Variants in PKHD1 observed in about 807,000 individuals in gnomAD.
PKHD1 encodes the protein fibrocystin.
A neutral mutation model predicts 412.0 loss-of-function variants in PKHD1; 291 were observed. The ratio of observed to expected loss-of-function variants is 0.71; its 90% CI spans 0.64 to 0.78. The LOEUF (loss-of-function observed/expected upper bound fraction) is 0.78. Ranked by LOEUF, PKHD1 falls within the 30% of genes least tolerant of loss-of-function variation. The probability of loss-of-function intolerance (pLI) is 0.00; values close to 1 mark genes in which losing one functional copy is unlikely to be tolerated. For missense variants in PKHD1, 4,825 were observed against 4,950.7 expected, an observed-to-expected ratio of 0.97 and a Z score of 0.76; for synonymous variants, 1,777 against 1,821.5, an observed-to-expected ratio of 0.98 and a Z score of 0.62.
intron 37 of PKHD1, among the ~76,000 whole-genome samples, chr6:51,925,593 G>C (rs552321110): frequency 6.6e-6 from 1 of 152,114 alleles, no homozygotes; most frequent in African/African-American, 2.4e-5. Context: ...AGAACAAAAA[G>C]GCTGAGTATG....
At chr6:51,754,690 T>C (rs552791071) in intron 56 of PKHD1, 94 bp downstream of exon 56, 21 of 1,036,224 alleles carry the variant, frequency 2.0e-5, no homozygotes, top group African/African-American at 1.6e-4. Flanking sequence ...TCTTCCCCTC[T>C]GAATGGCAAT....
At chr6:51,934,348 G>A in intron 36 of PKHD1, 26 bp from the exon 37 acceptor site, 1 of 1,470,012 alleles carries the variant, frequency 6.8e-7, no homozygotes, top group Non-Finnish European at 9.5e-7. Flanking sequence ...AAAATTGTCA[G>A]TCCCTGGGAG....
chr6:51,922,560 A>C (rs1393322139), intron 37 of PKHD1, among the ~76,000 whole-genome samples: 1 of 152,212 alleles, frequency 6.6e-6, no homozygotes, highest in Non-Finnish European at 1.5e-5. Context: ...GAGTCTACAG[A>C]GGCAGGCAGG....
intron 36 of PKHD1, among the ~76,000 whole-genome samples, chr6:51,956,731 A>T (rs1791205916): frequency 6.6e-6 from 1 of 152,082 alleles, no homozygotes; most frequent in South Asian, 2.1e-4. Context: ...AGATTAGTTG[A>T]TATTTTCTCA....
At chr6:51,805,495 T>C (rs1330479738) in intron 52 of PKHD1, among the ~76,000 whole-genome samples, 1 of 152,200 alleles carries the variant, frequency 6.6e-6, no homozygotes, top group African/African-American at 2.4e-5. Flanking sequence ...TACTTACATG[T>C]AACCAGCCTG....
intron 52 of PKHD1, among the ~76,000 whole-genome samples, chr6:51,826,101 C>T (rs1562398688): frequency 6.6e-6 from 1 of 152,126 alleles, no homozygotes; most frequent in Admixed American, 6.5e-5. Flanking sequence ...AATTCCTCCC[C>T]TCAAAAATTA....
chr6:52,031,239 AAC>A (rs1802992089), intron 29 of PKHD1, among the ~76,000 whole-genome samples: 1 of 152,230 alleles, frequency 6.6e-6, no homozygotes, highest in African/African-American at 2.4e-5. Context: ...TGGTAAGTTC[AAC>A]TAAGTTTGGC....
intron 37 of PKHD1, among the ~76,000 whole-genome samples, chr6:51,913,225 A>C (rs1416130650): frequency 1.8e-4 from 28 of 152,118 alleles, no homozygotes; most frequent in Admixed American, 1.8e-3. Flanking sequence ...AGGGGAAAAC[A>C]AAAATTATCT....
intron 50 of PKHD1, among the ~76,000 whole-genome samples, chr6:51,842,001 A>G (rs569615256): frequency 2.6e-5 from 4 of 152,238 alleles, no homozygotes; most frequent in Non-Finnish European, 5.9e-5. Context: ...CTTTGTGATG[A>G]GACAGACCTG....
rs772976284 is a variant in PKHD1, at chr6:51,911,732, A to G, written c.6490+67T>C. Reference sequence around the variant, plus strand: ...AAAAGAGGTCAACCACAGCAATGCCATCTATCATCAGACAGTAAGAATATT... The same window carrying G: ...AAAAGAGGTCAACCACAGCAATGCCGTCTATCATCAGACAGTAAGAATATT... On this transcript the variant is annotated intron_variant, in intron 39 of 66. Transcript: ENST00000371117. 67 of 1,350,516 alleles carry G rather than the reference A, an allele frequency of 5.0e-5. 1 individual carries two copies. Among genetic ancestry groups the G allele is most frequent in the Non-Finnish European group, 6.7e-5 (63 of 943,980 alleles). 83.7% of individuals were successfully genotyped at this position (1,350,516 alleles called of 1,614,324 possible).
intron 46 of PKHD1, among the ~76,000 whole-genome samples, chr6:51,872,875 CTTTTTTT>C (rs33953182): frequency 7.4e-5 from 6 of 81,492 alleles, no homozygotes; most frequent in Non-Finnish European, 1.1e-4. Flanking sequence ...CCATCGTTTC[CTTTTTTT>C]TTTTTTTTTT....
In PKHD1 at chr6:52,072,220, CAA is replaced by C. The variant is rs779263629; in HGVS notation, c.528-33_528-32del. 79 of 1,402,076 alleles carry C rather than the reference CAA, an allele frequency of 5.6e-5. 2 individuals carry two copies. The South Asian group carries it at 5.9e-4, about 10-fold the overall frequency. The allele number at this position is 1,402,076 out of a possible 1,614,324, so 86.9% of individuals were successfully genotyped here. On this transcript the variant is annotated intron_variant, in intron 7 of 66. Coordinates refer to ENST00000371117, the MANE Select transcript of PKHD1 (RefSeq NM_138694.4). ...TTTAAAAAAAAATGAAAACAAAAGA[CAA>C]GAGATAATTGTGCAATACTCCCAAT... is the stretch of plus-strand genomic sequence containing the variant.
At chr6:51,745,098 T>G (rs1279113057) in intron 59 of PKHD1, among the ~76,000 whole-genome samples, 1 of 152,142 alleles carries the variant, frequency 6.6e-6, no homozygotes, top group Non-Finnish European at 1.5e-5. Flanking sequence ...ACAGAGAACT[T>G]ATTTTATTTC....
intron 44 of PKHD1, among the ~76,000 whole-genome samples, chr6:51,886,508 C>T (rs1440999638): frequency 1.3e-5 from 2 of 152,044 alleles, no homozygotes; most frequent in Non-Finnish European, 2.9e-5. Flanking sequence ...TACAGATAAA[C>T]CTGGGGGACA....
intron 52 of PKHD1, among the ~76,000 whole-genome samples, chr6:51,809,733 C>G (rs1764398291): frequency 6.6e-6 from 1 of 151,282 alleles, no homozygotes; most frequent in Non-Finnish European, 1.5e-5. Context: ...GGTATTTTAC[C>G]TTTTTCCATC....
At chr6:51,734,801 C>A (rs954106227) in intron 60 of PKHD1, among the ~76,000 whole-genome samples, 1 of 152,000 alleles carries the variant, frequency 6.6e-6, no homozygotes, top group Non-Finnish European at 1.5e-5. Flanking sequence ...TCCACACAAA[C>A]GAAGTGATGT....
intron 40 of PKHD1, 30 bp downstream of exon 40, chr6:51,909,253 T>A: frequency 6.4e-7 from 1 of 1,554,830 alleles, no homozygotes; most frequent in Non-Finnish European, 8.9e-7. Context: ...GAAAGAAACA[T>A]GAGAAAGTCC....
intron 55 of PKHD1, among the ~76,000 whole-genome samples, chr6:51,768,209 G>C (rs1322199857): frequency 1.3e-5 from 2 of 151,868 alleles, no homozygotes. Flanking sequence ...GTAGATTCTG[G>C]ATATTAGCCC....
At chr6:52,006,172 T>A (rs1562111700) in intron 35 of PKHD1, among the ~76,000 whole-genome samples, 1 of 149,174 alleles carries the variant, frequency 6.7e-6, no homozygotes, top group African/African-American at 2.5e-5. Context: ...CACTAAAAAA[T>A]TATATATATA....
Sources: gnomAD v4.1 joint callset for allele counts (sites outside exome capture counted in the v4.1 genomes callset) on GRCh38, gnomAD v4.1.1 for gene constraint, MANE v1.5 for transcripts, NCBI Gene and HGNC (gene_info 2026-07-23, HGNC 2026-07-21) for gene names.